Variants in SEPTIN4 observed in about 807,000 individuals in gnomAD.
The protein encoded by SEPTIN4 is septin 4, also known as septin-4.
Under a neutral mutation model 107.1 loss-of-function variants are expected in SEPTIN4, and 52 were observed. The observed-to-expected ratio is 0.49, with a 90% CI of 0.39 to 0.61. SEPTIN4 has a LOEUF of 0.61. SEPTIN4 is among the 20% of genes least tolerant of loss of function. The probability of loss-of-function intolerance (pLI) is 0.00; values close to 1 mark genes in which losing one functional copy is unlikely to be tolerated. For synonymous variants in SEPTIN4, 417 were observed against 467.0 expected (o/e 0.89, Z 1.38); for missense variants, 1,048 against 1,243.5 (o/e 0.84, Z 2.36).
intron 2 of SEPTIN4, 31 bp from the exon 3 acceptor site, chr17:58,540,704 C>T: frequency 7.5e-7 from 1 of 1,334,362 alleles, no homozygotes; most frequent in Non-Finnish European, 9.6e-7. Flanking sequence ...CCAGGCATTC[C>T]CAGGGGGCAG....
chr17:58,531,772 A>G, intron 3 of SEPTIN4: 1 of 429,384 alleles, frequency 2.3e-6, no homozygotes, highest in Non-Finnish European at 3.2e-6. Context: ...TCAGAGGGAA[A>G]AACTTGGGAG....
At chr17:58,520,969 G>A (rs981239809) in intron 12 of SEPTIN4, 29 bp downstream of exon 12, 1 of 1,612,970 alleles carries the variant, frequency 6.2e-7, no homozygotes, top group Non-Finnish European at 8.5e-7. Flanking sequence ...ATCTCCCCCT[G>A]CCAGCTTTGT....
rs1024811382 is a variant in SEPTIN4, at chr17:58,525,312, C to G, written c.2093-111G>C. The G allele has an allele frequency of 1.6e-5, 21 of 1,313,666 alleles. No individual in the cohort carries two copies. In the East Asian group the frequency reaches 3.5e-4, roughly 22 times the overall value. 81.4% of individuals were successfully genotyped at this position (1,313,666 alleles called of 1,614,324 possible). ...TCAGACTGCCTAATCCACACTGCCC[C>G]CTTCTCCACTCCCAAGCTGTCTGGG... is the stretch of plus-strand genomic sequence containing the variant. On this transcript the variant is annotated intron_variant, in intron 6 of 13. Transcript: ENST00000672673.
intron 3 of SEPTIN4, chr17:58,527,504 A>G (rs1598288899): frequency 7.9e-6 from 2 of 254,234 alleles, no homozygotes; most frequent in Non-Finnish European, 1.6e-5. Flanking sequence ...GGGGTTCTGT[A>G]CCTCCTGTCA....
At chr17:58,526,657 G>A in intron 4 of SEPTIN4, 25 bp downstream of exon 4, 2 of 1,536,854 alleles carry the variant, frequency 1.3e-6, no homozygotes, top group Non-Finnish European at 1.7e-6. Context: ...CCACTGAAAG[G>A]CAAAGGCAGG....
intron 3 of SEPTIN4, chr17:58,529,898 C>T (rs2043316714): frequency 6.6e-6 from 1 of 152,034 alleles, no homozygotes; most frequent in Admixed American, 6.5e-5. Context: ...AGACTTTGCT[C>T]CAGGGACTCC....
Position 58,526,663 on chromosome 17 carries a change from G to T in SEPTIN4, c.1911+19C>A. On this transcript the variant is annotated intron_variant, in intron 4 of 13. Transcript: ENST00000672673. ...TGCAGCAGCCCACTGAAAGGCAAAGGCAGGGCTGGAGGCTCTACCTCAGAG... is the reference window on the plus strand; with the variant it reads ...TGCAGCAGCCCACTGAAAGGCAAAGTCAGGGCTGGAGGCTCTACCTCAGAG... 1 of 1,541,924 alleles carries T rather than the reference G, an allele frequency of 6.5e-7. No homozygotes were observed. The highest frequency in any genetic ancestry group is 8.7e-7 in the Non-Finnish European group (1 of 1,150,632).
intron 3 of SEPTIN4, among the ~76,000 whole-genome samples, chr17:58,533,387 G>C (rs753775239): frequency 2.6e-5 from 4 of 152,176 alleles, no homozygotes; most frequent in Non-Finnish European, 4.4e-5. Flanking sequence ...GATTAAACTA[G>C]ATGATTTCTA....
chr17:58,520,949 T>C, intron 12 of SEPTIN4, 49 bp downstream of exon 12: 2 of 1,612,350 alleles, frequency 1.2e-6, no homozygotes, highest in Non-Finnish European at 1.7e-6. Context: ...CACCCAAGGC[T>C]AGGCTTGGGA....
chr17:58,525,963 G>T, intron 5 of SEPTIN4, 182 bp from the exon 6 acceptor site: 1 of 901,358 alleles, frequency 1.1e-6, no homozygotes, highest in Non-Finnish European at 1.6e-6. Context: ...GCAAGAGATT[G>T]CCCAGGGTCA....
At chr17:58,539,014 G>A in intron 3 of SEPTIN4, 1 of 683,220 alleles carries the variant, frequency 1.5e-6, no homozygotes, top group Non-Finnish European at 2.3e-6. Flanking sequence ...TCTCCATCCT[G>A]AGGCTGCATG....
In SEPTIN4 at chr17:58,538,303, C is replaced by T. The variant is rs1186395150; in HGVS notation, c.1614+2363G>A. Reference sequence around the variant, plus strand: ...CACATGACATGTCATCCAAAAGACACTGAGGTCTGCCTTAAGTATCAGTGA... The same window carrying T: ...CACATGACATGTCATCCAAAAGACATTGAGGTCTGCCTTAAGTATCAGTGA... On this transcript the variant is annotated intron_variant, in intron 3 of 13. Transcript: ENST00000672673. The surrounding 1 kb of genome is among the most constrained non-coding windows in gnomAD (Gnocchi z 4.7). 6.6e-6 allele frequency among the ~76,000 whole-genome samples: 1 copy of T among 152,254 alleles called. No individual in the cohort carries two copies. Among genetic ancestry groups the T allele is most frequent in the Non-Finnish European group, 1.5e-5 (1 of 68,044 alleles).
chr17:58,529,461 T>G, intron 3 of SEPTIN4: 2 of 1,328,798 alleles, frequency 1.5e-6, no homozygotes, highest in Non-Finnish European at 1.9e-6. Context: ...CCCCTCCTCC[T>G]CTGATTGGCT....
In SEPTIN4 at chr17:58,520,818, G is replaced by C; in HGVS notation, c.2856C>G (p.Thr952=). 1 of 1,613,608 alleles carries C rather than the reference G, an allele frequency of 6.2e-7. No homozygotes were observed. The highest frequency in any genetic ancestry group is 8.5e-7 in the Non-Finnish European group (1 of 1,179,934). ...NRNKLTRESG[T]DFPIPAVPPG... ...GTGGGACAGCAGGGATGGGGAAGTC[G>C]GTACCACTTTCCCGAGTCAGTTTGC... Residue 952 remains threonine, a synonymous_variant, in exon 13 of 14, where the codon ACC becomes ACG. Transcript: ENST00000672673.
Position 58,525,885 on chromosome 17 carries a change from T to C in SEPTIN4, c.2006-104A>G, listed in dbSNP as rs2042803604. 20 of 1,044,292 alleles carry C rather than the reference T, an allele frequency of 1.9e-5. No homozygotes were observed. The East Asian group carries it at 4.3e-4, about 23-fold the overall frequency. 64.7% of individuals were successfully genotyped at this position (1,044,292 alleles called of 1,614,324 possible). A position where few individuals can be genotyped will look rare whatever the true frequency, so the allele number is the denominator to read the frequency against. Reference sequence around the variant, plus strand: ...TAGGGGGGACTGCTTTCTTATCTAATTGGAACTAGACTAACCAAACTATAG... The same window carrying C: ...TAGGGGGGACTGCTTTCTTATCTAACTGGAACTAGACTAACCAAACTATAG... On this transcript the variant is annotated intron_variant, in intron 5 of 13. Coordinates refer to ENST00000672673, the MANE Select transcript of SEPTIN4 (RefSeq NM_001368771.2).
intron 2 of SEPTIN4, chr17:58,540,956 G>A (rs1457158815): frequency 8.7e-6 from 3 of 346,132 alleles, no homozygotes; most frequent in African/African-American, 6.3e-5. Flanking sequence ...AACAGATGAG[G>A]AAACTGAGGC....
intron 3 of SEPTIN4, chr17:58,531,021 C>A (rs1386759904): frequency 6.6e-6 from 1 of 152,394 alleles, no homozygotes; most frequent in Non-Finnish European, 1.5e-5. Flanking sequence ...AGTTTGTGTC[C>A]CCCAATGCAG....
chr17:58,520,931 C>G, intron 12 of SEPTIN4, 67 bp downstream of exon 12: 1 of 1,611,682 alleles, frequency 6.2e-7, no homozygotes, highest in Non-Finnish European at 8.5e-7. Context: ...AAAAGTAGGG[C>G]TTGGTCTCAC....
intron 7 of SEPTIN4, 92 bp from the exon 8 acceptor site, chr17:58,522,193 A>C: frequency 6.7e-7 from 1 of 1,497,688 alleles, no homozygotes; most frequent in Non-Finnish European, 9.1e-7. Context: ...CTCCCTGAGC[A>C]GTGTTTTTAA....
Sources: gnomAD v4.1 joint callset for allele counts (sites outside exome capture counted in the v4.1 genomes callset) on GRCh38, gnomAD v4.1.1 for gene constraint, Gnocchi (gnomAD v3.1) non-coding constraint, MANE v1.5 for transcripts, NCBI Gene and HGNC (gene_info 2026-07-23, HGNC 2026-07-21) for gene names.